Variants in PCDHGB6 observed in about 807,000 individuals in gnomAD.
PCDHGB6 encodes protocadherin gamma-B6.
PCDHGB6 carries 51 observed loss-of-function variants against 59.1 expected under a neutral mutation model. The observed-to-expected ratio is 0.86, with a 90% CI of 0.69 to 1.09. The LOEUF (loss-of-function observed/expected upper bound fraction) is 1.09, where lower values mean the gene tolerates loss of function less well. Among genes scored for constraint, PCDHGB6 ranks in the 50% least tolerant of loss-of-function variants. The pLI, the probability that PCDHGB6 is intolerant of heterozygous loss-of-function variation, is 0.00. For synonymous variants in PCDHGB6, 466 were observed against 495.1 expected (o/e 0.94, Z 0.78); for missense variants, 1,148 against 1,205.1 (o/e 0.95, Z 0.70).
chr5:141,489,896 C>T lies in PCDHGB6; in HGVS notation c.2419-4911C>T, dbSNP rs765318875. 3 of 1,614,180 alleles carry T rather than the reference C, an allele frequency of 1.9e-6. No homozygotes were observed. The highest frequency in any genetic ancestry group is 1.3e-5 in the African/African-American group (1 of 75,066). On this transcript the variant is annotated intron_variant, in intron 1 of 3. Coordinates refer to ENST00000520790, the MANE Select transcript of PCDHGB6 (RefSeq NM_018926.3). The surrounding 1 kb of genome is among the most constrained non-coding windows in gnomAD (Gnocchi z 4.5). ...GTGCTTACTGCTGTGGATGGGGGGA[C>T]CCCAGCCCGCTCAGGGACCACCCTT...
At chr5:141,483,534 G>C (rs754118568) in intron 1 of PCDHGB6, among the ~76,000 whole-genome samples, 1 of 152,102 alleles carries the variant, frequency 6.6e-6, no homozygotes, top group Non-Finnish European at 1.5e-5. Flanking sequence ...AAGGAAGCTG[G>C]GTGGTTGACA....
At chr5:141,500,190 TTA>T (rs551092091) in intron 2 of PCDHGB6, among the ~76,000 whole-genome samples, 3 of 110,960 alleles carry the variant, frequency 2.7e-5, no homozygotes, top group Non-Finnish European at 3.9e-5. Context: ...TTATTTTTAT[TTA>T]TTTATTTATT....
At chr5:141,438,997 C>T (rs2098080665) in intron 1 of PCDHGB6, among the ~76,000 whole-genome samples, 1 of 151,716 alleles carries the variant, frequency 6.6e-6, no homozygotes, top group Admixed American at 6.6e-5. Flanking sequence ...AGGCTAAGGA[C>T]CTGGTTTGTT....
intron 1 of PCDHGB6, chr5:141,428,404 T>A (rs375988962): frequency 2.3e-5 from 11 of 476,688 alleles, no homozygotes; most frequent in East Asian, 2.1e-4. Flanking sequence ...TGCCTGGGGT[T>A]GCTTTCACCC....
intron 1 of PCDHGB6, 43 bp downstream of exon 1, chr5:141,410,663 T>C (rs2095415377): frequency 6.4e-7 from 1 of 1,570,102 alleles, no homozygotes; most frequent in Non-Finnish European, 8.6e-7. Flanking sequence ...AATAGTCTAC[T>C]AGTTTCTCAT....
chr5:141,500,184 T>TTTTA (rs58019021), intron 2 of PCDHGB6, among the ~76,000 whole-genome samples: 28,743 of 135,782 alleles, frequency 0.21, 3,285 homozygotes, highest in African/African-American at 0.3. Context: ...TCATTTTTAT[T>TTTTA]TTTATTTATT....
At chr5:141,438,248 C>A (rs1370527448) in intron 1 of PCDHGB6, among the ~76,000 whole-genome samples, 1 of 151,970 alleles carries the variant, frequency 6.6e-6, no homozygotes, top group Non-Finnish European at 1.5e-5. Flanking sequence ...AAAAAACTGT[C>A]ATTGAAGAGA....
rs1195316502 is a variant in PCDHGB6 at position 141,431,006 on chromosome 5, A to G, written c.2418+20386A>G. 1.2e-6 allele frequency: 2 copies of G among 1,614,116 alleles called. No individual in the cohort carries two copies. Among genetic ancestry groups the G allele is most frequent in the South Asian group, 2.2e-5 (2 of 91,078 alleles). ...TTTCGCCCTGAATCCGCGCAGCGGC[A>G]GCTTGGTCACGGCGGGCAGGATAGA... On this transcript the variant is annotated intron_variant, in intron 1 of 3. Transcript: ENST00000520790. The surrounding 1 kb of genome is among the most constrained non-coding windows in gnomAD (Gnocchi z 4.8).
intron 1 of PCDHGB6, chr5:141,479,355 A>G (rs2099493778): frequency 6.6e-6 from 1 of 152,506 alleles, no homozygotes; most frequent in Non-Finnish European, 1.5e-5. Flanking sequence ...CTTGCTGCTC[A>G]GTGCCTGAGG....
At chr5:141,456,971 A>G (rs1031714073) in intron 1 of PCDHGB6, among the ~76,000 whole-genome samples, 1 of 147,384 alleles carries the variant, frequency 6.8e-6, no homozygotes, top group Non-Finnish European at 1.5e-5. Context: ...TCAAAACAAA[A>G]CAAACAAACA....
At chr5:141,510,238 A>C (rs2099880007) in intron 3 of PCDHGB6, among the ~76,000 whole-genome samples, 1 of 149,340 alleles carries the variant, frequency 6.7e-6, no homozygotes, top group Non-Finnish European at 1.5e-5. Flanking sequence ...GCGCCACTGC[A>C]CTCCAGGCTG....
intron 1 of PCDHGB6, chr5:141,413,400 G>T: frequency 6.2e-7 from 1 of 1,614,060 alleles, no homozygotes. Context: ...CCAGAGGTAG[G>T]ACGCAGCTTT....
chr5:141,447,048 A>T (rs149112101), intron 1 of PCDHGB6, among the ~76,000 whole-genome samples: 1 of 152,066 alleles, frequency 6.6e-6, no homozygotes, highest in Non-Finnish European at 1.5e-5. Flanking sequence ...CTGGAATTCT[A>T]TTAAAATGTG....
intron 1 of PCDHGB6, chr5:141,419,960 G>A (rs773071584): frequency 5.0e-6 from 8 of 1,613,960 alleles, no homozygotes; most frequent in South Asian, 4.4e-5. Context: ...CTTGATTTCT[G>A]TGCTCTTTCT....
At position 141,408,568 on chromosome 5, in the gene PCDHGB6, G is replaced by A. The variant is rs1282391205; in HGVS notation, c.366G>A (p.Val122=). Reference sequence around the variant, plus strand: ...TAAATATTTTTCATGTCATTGTGGTGATTGAGGATGTTAATGACCACGCCC... The same window carrying A: ...TAAATATTTTTCATGTCATTGTGGTAATTGAGGATGTTAATGACCACGCCC... ...NPLNIFHVIV[V]IEDVNDHAPQ... The change falls in exon 1 of 4, where the codon GTG becomes GTA. Residue 122 remains valine (V), a synonymous_variant. Transcript: ENST00000520790. 2 of 1,613,936 alleles carry A rather than the reference G, an allele frequency of 1.2e-6. No homozygotes were observed. The highest frequency in any genetic ancestry group is 2.7e-5 in the African/African-American group (2 of 74,936).
In PCDHGB6 at chr5:141,485,234, T is replaced by A. The variant is rs780126313; in HGVS notation, c.2419-9573T>A. 1 of 1,614,124 alleles carries A rather than the reference T, an allele frequency of 6.2e-7. No homozygotes were observed. The highest frequency in any genetic ancestry group is 1.1e-5 in the South Asian group (1 of 91,080). On this transcript the variant is annotated intron_variant, in intron 1 of 3. Transcript: ENST00000520790. This position sits in a 1 kb window ranked among gnomAD's most constrained non-coding sequence, Gnocchi z 5.7. ...GCGGTGGGCTACCCTTTTGTTCCTC[T>A]TTTACCACCTGGGTTACGTTTGTGG...
intron 1 of PCDHGB6, among the ~76,000 whole-genome samples, chr5:141,425,668 T>C (rs2096887740): frequency 1.3e-5 from 2 of 152,260 alleles, no homozygotes; most frequent in South Asian, 4.1e-4. Context: ...GCACATCAGA[T>C]TGAAAATAAT....
In PCDHGB6 at chr5:141,489,662, G is replaced by C; in HGVS notation, c.2419-5145G>C. 8.1e-6 allele frequency: 13 copies of C among 1,614,144 alleles called. No individual in the cohort carries two copies. The highest frequency in any genetic ancestry group is 1.1e-5 in the Non-Finnish European group (13 of 1,180,010). On this transcript the variant is annotated intron_variant, in intron 1 of 3. Coordinates refer to ENST00000520790, the MANE Select transcript of PCDHGB6 (RefSeq NM_018926.3). This position sits in a 1 kb window ranked among gnomAD's most constrained non-coding sequence, Gnocchi z 4.5. The stretch of plus-strand genomic sequence containing the variant: ...TTTGCCACCCCTGAGCGAGAGATGC[G>C]CATCTCAGAATCAGCAGCATCTGGG...
intron 1 of PCDHGB6, among the ~76,000 whole-genome samples, chr5:141,470,591 G>A (rs1271473509): frequency 1.3e-5 from 2 of 152,132 alleles, no homozygotes; most frequent in African/African-American, 4.8e-5. Flanking sequence ...ATAGGCAGGC[G>A]ACCTGTGCGG....
Sources: allele counts gnomAD v4.1 joint callset (sites outside exome capture counted in the v4.1 genomes callset), GRCh38; gene constraint gnomAD v4.1.1; non-coding constraint Gnocchi (gnomAD v3.1); transcripts MANE v1.5; gene names NCBI Gene and HGNC (gene_info 2026-07-23, HGNC 2026-07-21).